Variants in RALYL observed in about 807,000 individuals in gnomAD.
The protein encoded by RALYL is RALY RNA binding protein like, also known as RNA-binding Raly-like protein.
Under a neutral mutation model 35.1 loss-of-function variants are expected in RALYL, and 29 were observed. That is an observed-to-expected ratio of 0.83 (90% confidence interval 0.61 to 1.13). The LOEUF is 1.13. Ranked by LOEUF, RALYL falls within the 50% of genes most tolerant of loss-of-function variation. The pLI is 0.00. For missense variants in RALYL, 359 were observed against 360.4 expected (o/e 1.00, Z 0.03); for synonymous variants, 120 against 127.6 (o/e 0.94, Z 0.40).
At chr8:84,743,441 A>C (rs145252957) in intron 2 of RALYL, among the ~76,000 whole-genome samples, 127 of 152,006 alleles carry the variant, frequency 8.4e-4, no homozygotes, top group Middle Eastern at 3.4e-3. Flanking sequence ...CCACCAACAA[A>C]AAAAAAAAGT....
chr8:84,726,265 T>C (rs1844931363), intron 2 of RALYL, among the ~76,000 whole-genome samples: 1 of 146,856 alleles, frequency 6.8e-6, no homozygotes, highest in South Asian at 2.1e-4. Flanking sequence ...AATTTTATTT[T>C]TATATATTTT....
chr8:84,287,189 G>A (rs1837785245), intron 1 of RALYL, among the ~76,000 whole-genome samples: 1 of 152,104 alleles, frequency 6.6e-6, no homozygotes, highest in Non-Finnish European at 1.5e-5. Context: ...AGGCCTCTAA[G>A]AGGGATCTCC....
intron 1 of RALYL, among the ~76,000 whole-genome samples, chr8:84,306,291 A>C (rs1472479514): frequency 6.6e-6 from 1 of 152,144 alleles, no homozygotes; most frequent in Non-Finnish European, 1.5e-5. Flanking sequence ...TGCTACAATT[A>C]GTTTTTTGGG....
At chr8:84,684,062 C>T (rs991037770) in intron 2 of RALYL, among the ~76,000 whole-genome samples, 20 of 152,066 alleles carry the variant, frequency 1.3e-4, no homozygotes, top group Admixed American at 6.6e-4. Context: ...GCTTGGAAGA[C>T]GTAAATAAGA....
At chr8:84,728,673 A>G (rs1845498251) in intron 2 of RALYL, among the ~76,000 whole-genome samples, 1 of 152,150 alleles carries the variant, frequency 6.6e-6, no homozygotes, top group Non-Finnish European at 1.5e-5. Context: ...GAAGGGATCC[A>G]GTTTCAGCTT....
intron 1 of RALYL, among the ~76,000 whole-genome samples, chr8:84,224,933 G>A (rs1049752396): frequency 6.6e-6 from 1 of 152,160 alleles, no homozygotes. Context: ...GGGATTACAG[G>A]CATGAGCCAC....
At chr8:84,215,817 A>T (rs1820670189) in intron 1 of RALYL, among the ~76,000 whole-genome samples, 1 of 152,188 alleles carries the variant, frequency 6.6e-6, no homozygotes, top group Non-Finnish European at 1.5e-5. Flanking sequence ...TCTTTAAAGA[A>T]CATTAAATAA....
chr8:84,621,484 G>T (rs1244909934), intron 2 of RALYL, among the ~76,000 whole-genome samples: 2 of 152,070 alleles, frequency 1.3e-5, no homozygotes, highest in Non-Finnish European at 2.9e-5. Flanking sequence ...CCACTGACCT[G>T]CGCCCACTGT....
intron 1 of RALYL, among the ~76,000 whole-genome samples, chr8:84,301,974 T>C (rs1483709384): frequency 6.6e-6 from 1 of 152,104 alleles, no homozygotes; most frequent in Non-Finnish European, 1.5e-5. Flanking sequence ...AAAGTCATAG[T>C]TTGGGTAAGG....
chr8:84,366,535 G>C (rs1854311751), intron 1 of RALYL, among the ~76,000 whole-genome samples: 1 of 151,990 alleles, frequency 6.6e-6, no homozygotes, highest in South Asian at 2.1e-4. Context: ...CCAGCCCTTT[G>C]GGAGGCTGAG....
intron 2 of RALYL, among the ~76,000 whole-genome samples, chr8:84,548,415 T>A (rs1564125381): frequency 6.6e-6 from 1 of 152,206 alleles, no homozygotes; most frequent in Non-Finnish European, 1.5e-5. Context: ...TAATAGTTAC[T>A]ACCATTTCCT....
At chr8:84,534,376 A>G (rs891446329) in intron 2 of RALYL, among the ~76,000 whole-genome samples, 4 of 152,314 alleles carry the variant, frequency 2.6e-5, no homozygotes, top group Non-Finnish European at 4.4e-5. Flanking sequence ...GTGTCCCTCA[A>G]AGCTAGCTGG....
chr8:84,242,038 G>T (rs1240165402), intron 1 of RALYL, among the ~76,000 whole-genome samples: 2 of 151,916 alleles, frequency 1.3e-5, no homozygotes, highest in Non-Finnish European at 2.9e-5. Flanking sequence ...AGTGTGTGTT[G>T]TTCCCCCCAT....
chr8:84,854,813 G>T (rs1338197345), intron 5 of RALYL, among the ~76,000 whole-genome samples: 2 of 152,200 alleles, frequency 1.3e-5, no homozygotes, highest in African/African-American at 4.8e-5. Context: ...AATTGCTGTA[G>T]AAAAAGAGCC....
intron 2 of RALYL, among the ~76,000 whole-genome samples, chr8:84,744,638 T>A (rs1367901444): frequency 2.0e-5 from 3 of 152,010 alleles, no homozygotes; most frequent in Non-Finnish European, 4.4e-5. Context: ...GAAAATTGCC[T>A]ATCTAAACTA....
chr8:84,549,354 C>T (rs1343951403), intron 2 of RALYL, among the ~76,000 whole-genome samples: 1 of 152,110 alleles, frequency 6.6e-6, no homozygotes, highest in Non-Finnish European at 1.5e-5. Context: ...TCCATTTTCC[C>T]CATGGATTGG....
intron 1 of RALYL, among the ~76,000 whole-genome samples, chr8:84,360,123 T>C (rs375076669): frequency 1.6e-4 from 24 of 152,292 alleles, no homozygotes; most frequent in African/African-American, 5.3e-4. Context: ...TCCGCCCACA[T>C]TGGCCTTCCA....
At position 84,504,914 on chromosome 8, in the gene RALYL, G is replaced by A. The variant is rs547707553; in HGVS notation, c.-23-24385G>A. On this transcript the variant is annotated intron_variant, in intron 1 of 8. Transcript: ENST00000521268. ...GGTCACAAGCTGGGAGATTGAAAAA[G>A]CTCAATTATTGCTACGCCCGCACCC... 3.3e-5 allele frequency among the ~76,000 whole-genome samples: 5 copies of A among 152,206 alleles called. No individual in the cohort carries two copies. The East Asian group carries it at 9.7e-4, about 29-fold the overall frequency.
intron 1 of RALYL, among the ~76,000 whole-genome samples, chr8:84,464,758 C>T (rs2051321519): frequency 6.6e-6 from 1 of 150,822 alleles, no homozygotes; most frequent in African/African-American, 2.4e-5. Flanking sequence ...GTCCCACCAA[C>T]AGTGTAAAAG....
Sources: allele counts gnomAD v4.1 joint callset (sites outside exome capture counted in the v4.1 genomes callset), GRCh38; gene constraint gnomAD v4.1.1; transcripts MANE v1.5; gene names NCBI Gene and HGNC (gene_info 2026-07-23, HGNC 2026-07-21).